CLINT1: variants seen among roughly 807,000 people sequenced by gnomAD.
CLINT1 encodes clathrin interactor 1.
CLINT1 carries 15 observed loss-of-function variants against 70.4 expected under a neutral mutation model. The ratio of observed to expected loss-of-function variants is 0.21; its 90% confidence interval spans 0.14 to 0.33. CLINT1 has a LOEUF of 0.33. Among genes scored for constraint, CLINT1 ranks in the 10% least tolerant of loss-of-function variants. CLINT1 has a pLI of 1.00. For missense variants in CLINT1, 615 were observed against 778.1 expected (o/e 0.79, Z 2.49); for synonymous variants, 227 against 254.7 (o/e 0.89, Z 1.04).
At chr5:157,802,883 G>C (rs1368867252) in intron 8 of CLINT1, among the ~76,000 whole-genome samples, 1 of 152,156 alleles carries the variant, frequency 6.6e-6, no homozygotes, top group Admixed American at 6.5e-5. Flanking sequence ...CATACTTTCA[G>C]AGAATGTCAT....
chr5:157,830,788 C>CTATATATATA (rs1191312913), intron 1 of CLINT1, among the ~76,000 whole-genome samples: 1 of 128,854 alleles, frequency 7.8e-6, no homozygotes, highest in African/African-American at 3.0e-5. Flanking sequence ...CTCTCTCTCT[C>CTATATATATA]TCTCTCTCTA....
intron 5 of CLINT1, among the ~76,000 whole-genome samples, chr5:157,810,350 G>A (rs1223507548): frequency 6.6e-6 from 1 of 152,202 alleles, no homozygotes; most frequent in African/African-American, 2.4e-5. Flanking sequence ...ATAATTCAAT[G>A]AATTTTCAGG....
intron 1 of CLINT1, among the ~76,000 whole-genome samples, chr5:157,821,105 C>T (rs1377582027): frequency 6.6e-6 from 1 of 152,078 alleles, no homozygotes; most frequent in East Asian, 1.9e-4. Flanking sequence ...TTATTATGAC[C>T]TTCTGTTGAA....
At chr5:157,832,952 T>A (rs1470069462) in intron 1 of CLINT1, among the ~76,000 whole-genome samples, 2 of 152,226 alleles carry the variant, frequency 1.3e-5, no homozygotes, top group African/African-American at 4.8e-5. Flanking sequence ...CGACTCATCT[T>A]CTACCAGACT....
intron 1 of CLINT1, among the ~76,000 whole-genome samples, chr5:157,853,642 T>C (rs374610943): frequency 4.6e-5 from 7 of 151,830 alleles, no homozygotes; most frequent in African/African-American, 1.4e-4. Context: ...CCGGGCATGG[T>C]GGCACGTGCC....
chr5:157,828,997 G>T (rs1374658876), intron 1 of CLINT1, among the ~76,000 whole-genome samples: 1 of 151,726 alleles, frequency 6.6e-6, no homozygotes, highest in Admixed American at 6.6e-5. Flanking sequence ...AGCTACTCAG[G>T]AGGCTGAGGC....
At position 157,817,547 on chromosome 5, in the gene CLINT1, G is replaced by A; in HGVS notation, c.42C>T (p.Ala14=). The part of the protein sequence containing the change: ...MWKVRELVDK[A]TNVVMNYSEI... ...CTGAATAATTCATAACAACATTGGT[G>A]CTGTAGAGGAAAAAAATGCACGCAC... The change falls in exon 2 of 12, where the codon GCC becomes GCT. Residue 14 remains alanine (A), a splice_region_variant and synonymous_variant. Coordinates refer to ENST00000411809, the MANE Select transcript of CLINT1 (RefSeq NM_014666.4). 2 of 1,585,428 alleles carry A rather than the reference G, an allele frequency of 1.3e-6. No homozygotes were observed. The highest frequency in any genetic ancestry group is 1.7e-6 in the Non-Finnish European group (2 of 1,162,936).
chr5:157,856,422 C>T (rs952939275), intron 1 of CLINT1, among the ~76,000 whole-genome samples: 1 of 152,158 alleles, frequency 6.6e-6, no homozygotes, highest in Non-Finnish European at 1.5e-5. Context: ...GATAGTTAAA[C>T]CCCTAACCTT....
At chr5:157,802,980 G>C (rs549676700) in intron 8 of CLINT1, among the ~76,000 whole-genome samples, 1 of 152,152 alleles carries the variant, frequency 6.6e-6, no homozygotes, top group Admixed American at 6.5e-5. Context: ...CTTGACCTTC[G>C]CATGAGGACA....
At chr5:157,820,391 G>A (rs1762844034) in intron 1 of CLINT1, among the ~76,000 whole-genome samples, 1 of 152,166 alleles carries the variant, frequency 6.6e-6, no homozygotes, top group African/African-American at 2.4e-5. Flanking sequence ...TGAGGCTACA[G>A]AGAACAAGAC....
intron 9 of CLINT1, among the ~76,000 whole-genome samples, chr5:157,793,205 G>A (rs538377910): frequency 9.8e-4 from 145 of 148,628 alleles, no homozygotes; most frequent in African/African-American, 3.4e-3. Context: ...ACTAATACAC[G>A]TCTTTGATCT....
intron 1 of CLINT1, among the ~76,000 whole-genome samples, chr5:157,827,996 C>T (rs1763093810): frequency 6.6e-6 from 1 of 152,262 alleles, no homozygotes. Context: ...ACACATCAAC[C>T]ACTGTGTGAC....
intron 8 of CLINT1, among the ~76,000 whole-genome samples, chr5:157,800,368 C>T (rs142243654): frequency 1.1e-3 from 162 of 152,216 alleles, no homozygotes; most frequent in African/African-American, 3.6e-3. Flanking sequence ...AATATGGGCA[C>T]ATCTGGTAAA....
intron 1 of CLINT1, among the ~76,000 whole-genome samples, chr5:157,851,001 A>G (rs1753553529): frequency 6.6e-6 from 1 of 152,128 alleles, no homozygotes; most frequent in Admixed American, 6.6e-5. Flanking sequence ...TGTGTTGCCC[A>G]GGCTAGTCTT....
chr5:157,850,614 A>G (rs1410740522), intron 1 of CLINT1, among the ~76,000 whole-genome samples: 15 of 26,386 alleles, frequency 5.7e-4, no homozygotes, highest in African/African-American at 2.3e-3. Flanking sequence ...CCCTGTCTCA[A>G]AAAAAAAAAA....
At chr5:157,804,290 T>C (rs1485340468) in intron 7 of CLINT1, among the ~76,000 whole-genome samples, 1 of 152,182 alleles carries the variant, frequency 6.6e-6, no homozygotes, top group Non-Finnish European at 1.5e-5. Context: ...CTATGTTATT[T>C]GATATATTGA....
At chr5:157,820,475 C>G (rs745907481) in intron 1 of CLINT1, among the ~76,000 whole-genome samples, 1 of 152,118 alleles carries the variant, frequency 6.6e-6, no homozygotes, top group Non-Finnish European at 1.5e-5. Flanking sequence ...CTGCAAAGAA[C>G]CCCCTCAAGA....
intron 1 of CLINT1, among the ~76,000 whole-genome samples, chr5:157,824,779 T>G (rs1145593): frequency 0.13 from 20,336 of 152,106 alleles, 1,784 homozygotes; most frequent in African/African-American, 0.25. Flanking sequence ...GTAAATGGCA[T>G]ATTTAAAAAC....
intron 1 of CLINT1, among the ~76,000 whole-genome samples, chr5:157,853,529 C>T (rs1322028559): frequency 6.6e-6 from 1 of 151,962 alleles, no homozygotes; most frequent in African/African-American, 2.4e-5. Flanking sequence ...GTAATCCCAG[C>T]ACTTTGGGAG....
Sources: gnomAD v4.1 joint callset for allele counts (sites outside exome capture counted in the v4.1 genomes callset) on GRCh38, gnomAD v4.1.1 for gene constraint, MANE v1.5 for transcripts, NCBI Gene and HGNC (gene_info 2026-07-23, HGNC 2026-07-21) for gene names.